Variants in RNF38 observed in about 807,000 individuals in gnomAD.
RNF38 encodes the protein E3 ubiquitin-protein ligase RNF38.
RNF38 carries 15 observed loss-of-function variants against 67.2 expected under a neutral mutation model. The ratio of observed to expected loss-of-function variants is 0.22; its 90% confidence interval spans 0.15 to 0.34. The LOEUF (loss-of-function observed/expected upper bound fraction) is 0.34. Ranked by LOEUF, RNF38 falls within the 10% of genes least tolerant of loss-of-function variation. The probability of loss-of-function intolerance (pLI) is 1.00; values close to 1 mark genes in which losing one functional copy is unlikely to be tolerated. For missense variants in RNF38, 524 were observed against 639.9 expected (o/e 0.82, Z 1.95); for synonymous variants, 220 against 218.8 (o/e 1.01, Z -0.05).
chr9:36,406,435 A>T (rs1444099164), intron 2 of RNF38, among the ~76,000 whole-genome samples: 1 of 152,220 alleles, frequency 6.6e-6, no homozygotes, highest in Non-Finnish European at 1.5e-5. Context: ...TATCCCTACT[A>T]TAATCTCACT....
Position 36,339,087 on chromosome 9 carries a change from G to A in RNF38, c.*665C>T, listed in dbSNP as rs927709435. The A allele has an allele frequency of 6.6e-6, 1 of 152,632 alleles. No individual in the cohort carries two copies. Among genetic ancestry groups the A allele is most frequent in the Non-Finnish European group, 1.5e-5 (1 of 68,058 alleles). The allele number at this position is 152,632 out of a possible 1,614,324, so 9.5% of individuals were successfully genotyped here. ...ATTCACTGGGAGGGAAGGGGATGGA[G>A]TATTCAATGCTTGTAATTGATGCAC... On this transcript the variant is annotated 3_prime_UTR_variant, in exon 12 of 12. Coordinates refer to ENST00000259605, the MANE Select transcript of RNF38 (RefSeq NM_022781.5).
intron 1 of RNF38, among the ~76,000 whole-genome samples, chr9:36,463,310 C>T (rs1839779868): frequency 6.6e-6 from 1 of 152,070 alleles, no homozygotes; most frequent in African/African-American, 2.4e-5. Context: ...GGAGAAAGGC[C>T]CCGCACATTA....
intron 1 of RNF38, among the ~76,000 whole-genome samples, chr9:36,452,233 AC>A (rs1051387892): frequency 3.3e-5 from 5 of 152,162 alleles, no homozygotes; most frequent in African/African-American, 9.7e-5. Flanking sequence ...CTTTAAAAAA[AC>A]TTTAAAATGT....
chr9:36,486,857 C>T (rs1291990116), intron 1 of RNF38, among the ~76,000 whole-genome samples: 1 of 152,126 alleles, frequency 6.6e-6, no homozygotes, highest in African/African-American at 2.4e-5. Context: ...TGCCAGGGTC[C>T]AGGGCCTGAC....
rs183331464 is a variant in RNF38 at position 36,363,838 on chromosome 9, A to G, written c.570+5881T>C. Among the ~76,000 whole-genome samples the G allele has an allele frequency of 4.6e-4, 44 of 96,396 alleles. 16 individuals carry two copies. Among genetic ancestry groups the G allele is most frequent in the Admixed American group, 2.1e-3 (22 of 10,372 alleles). The allele number at this position is 96,396 out of a possible 152,430, so 63.2% of individuals were successfully genotyped here. A position where few individuals can be genotyped will look rare whatever the true frequency, so the allele number is the denominator to read the frequency against. ...GAAGTACAGTTAGCCCTTGAACAACATGAGTTTGAACTGCATGGGTCTACT... is the reference window on the plus strand; with the variant it reads ...GAAGTACAGTTAGCCCTTGAACAACGTGAGTTTGAACTGCATGGGTCTACT... On this transcript the variant is annotated intron_variant, in intron 4 of 11. Coordinates refer to ENST00000259605, the MANE Select transcript of RNF38 (RefSeq NM_022781.5).
intron 1 of RNF38, among the ~76,000 whole-genome samples, chr9:36,393,601 C>T (rs1480943476): frequency 2.0e-5 from 3 of 151,416 alleles, no homozygotes; most frequent in African/African-American, 4.9e-5. Context: ...TCCCCATGTG[C>T]GCAGGCAGGG....
At chr9:36,442,672 G>A (rs1435687215) in intron 1 of RNF38, among the ~76,000 whole-genome samples, 2 of 152,078 alleles carry the variant, frequency 1.3e-5, no homozygotes, top group African/African-American at 4.8e-5. Flanking sequence ...CCAGCTACTC[G>A]GGAGGCTGAG....
intron 2 of RNF38, among the ~76,000 whole-genome samples, chr9:36,419,279 T>C (rs1387730278): frequency 6.6e-6 from 1 of 152,228 alleles, no homozygotes; most frequent in African/African-American, 2.4e-5. Flanking sequence ...ACATTTTCCA[T>C]CTTCCCTGAA....
chr9:36,372,492 TCA>T (rs1394512943), intron 3 of RNF38: 1 of 705,488 alleles, frequency 1.4e-6, no homozygotes, highest in East Asian at 2.7e-5. Context: ...AGCTTTGTGC[TCA>T]CCTCTGTAAC....
chr9:36,383,612 T>C (rs1376142108), intron 2 of RNF38, among the ~76,000 whole-genome samples: 2 of 152,228 alleles, frequency 1.3e-5, no homozygotes, highest in African/African-American at 4.8e-5. Flanking sequence ...GTATAATTCT[T>C]ATACTCCTCA....
rs752462016 is a variant in RNF38 at position 36,375,964 on chromosome 9, C to T, written c.326G>A (p.Arg109Gln). 6 of 1,612,836 alleles carry T rather than the reference C, an allele frequency of 3.7e-6. No individual in the cohort carries two copies. Among genetic ancestry groups the T allele is most frequent in the South Asian group, 1.1e-5 (1 of 90,770 alleles). Residue 109 changes from arginine (R) to glutamine (Q), a missense_variant, in exon 3 of 12, where the codon CGA becomes CAA. Coordinates refer to ENST00000259605, the MANE Select transcript of RNF38 (RefSeq NM_022781.5). ...TCTGTTGCGTGCAGGTGTGTTGCAT[C>T]GTTCCCCTGAGAAGTGATGTTGGCT... ...RPSQHHFSGE[R>Q]CNTPARNRRS... is the part of the protein sequence containing the mutation.
chr9:36,381,568 C>T (rs566226640), intron 2 of RNF38, among the ~76,000 whole-genome samples: 1 of 152,206 alleles, frequency 6.6e-6, no homozygotes, highest in Non-Finnish European at 1.5e-5. Context: ...ACAGGTCACT[C>T]TAACCCAGTG....
At chr9:36,340,029 G>T (rs1280642848) in intron 11 of RNF38, among the ~76,000 whole-genome samples, 1 of 151,930 alleles carries the variant, frequency 6.6e-6, no homozygotes, top group Non-Finnish European at 1.5e-5. Flanking sequence ...GCCCAGGCTG[G>T]AGTGCAATGG....
rs560149033 is a variant in RNF38, at chr9:36,375,381, A to C, written c.356+553T>G. 2.6e-5 allele frequency among the ~76,000 whole-genome samples: 4 copies of C among 152,222 alleles called. No homozygotes were observed. The East Asian group carries it at 7.7e-4, about 29-fold the overall frequency. On this transcript the variant is annotated intron_variant, in intron 3 of 11. Coordinates refer to ENST00000259605, the MANE Select transcript of RNF38 (RefSeq NM_022781.5). ...AATTTTTTGTTTTTTTGAGAGAGAC[A>C]GGGTCTTGCTATGTTGCCCAGGCTG...
At position 36,390,555 on chromosome 9, in the gene RNF38, C is replaced by T. The variant is rs1165872955; in HGVS notation, c.74G>A (p.Arg25Lys). 1 of 1,613,936 alleles carries T rather than the reference C, an allele frequency of 6.2e-7. No individual in the cohort carries two copies. The highest frequency in any genetic ancestry group is 8.5e-7 in the Non-Finnish European group (1 of 1,179,994). Residue 25 changes from arginine to lysine, a missense_variant, in exon 2 of 12, where the codon AGG becomes AAG. Transcript: ENST00000259605. ...PGHPNKVICE[R>K]VRLQSLFPLL... ...AGGGAACAGGCTCTGAAGTCTCACC[C>T]TTTCACAAATCACCTTGTTAGGATG...
At chr9:36,465,564 C>G (rs560421908) in intron 1 of RNF38, among the ~76,000 whole-genome samples, 1 of 152,068 alleles carries the variant, frequency 6.6e-6, no homozygotes, top group Non-Finnish European at 1.5e-5. Flanking sequence ...AGGCTGGTCT[C>G]GAACTCCTGA....
chr9:36,405,716 A>G (rs1042948159), upstream of RNF38, among the ~76,000 whole-genome samples: 25 of 151,756 alleles, frequency 1.6e-4, no homozygotes, highest in Middle Eastern at 3.2e-3. Flanking sequence ...AACTAAGGCA[A>G]AACAACTGTA....
At chr9:36,482,353 CT>C (rs71336457) in intron 1 of RNF38, among the ~76,000 whole-genome samples, 10 of 107,674 alleles carry the variant, frequency 9.3e-5, no homozygotes, top group Non-Finnish European at 3.6e-5. Context: ...GTGCCCAGAC[CT>C]TTTTTTTTTT....
chr9:36,405,876 T>C (rs1302508097), upstream of RNF38, among the ~76,000 whole-genome samples: 1 of 152,240 alleles, frequency 6.6e-6, no homozygotes, highest in Non-Finnish European at 1.5e-5. Flanking sequence ...CAAATTTAAA[T>C]AAGTGCTAGT....
Sources: allele counts gnomAD v4.1 joint callset (sites outside exome capture counted in the v4.1 genomes callset), GRCh38; gene constraint gnomAD v4.1.1; transcripts MANE v1.5; gene names NCBI Gene and HGNC (gene_info 2026-07-23, HGNC 2026-07-21).